Variants in SNAP25 observed in about 807,000 individuals in gnomAD.
SNAP25 encodes synaptosomal-associated protein 25.
A neutral mutation model predicts 28.7 loss-of-function variants in SNAP25; 3 were observed. That is an observed-to-expected ratio of 0.10 (90% CI 0.05 to 0.27). The LOEUF (loss-of-function observed/expected upper bound fraction) is 0.27, where lower values mean the gene tolerates loss of function less well. Ranked by LOEUF, SNAP25 falls within the 10% of genes least tolerant of loss-of-function variation. SNAP25 has a pLI of 1.00. For synonymous variants in SNAP25, 61 were observed against 88.1 expected, an observed-to-expected ratio of 0.69 and a Z score of 1.72; for missense variants, 117 against 278.7, an observed-to-expected ratio of 0.42 and a Z score of 4.13.
At chr20:10,266,579 G>A (rs1203571319) in intron 1 of SNAP25, among the ~76,000 whole-genome samples, 1 of 152,182 alleles carries the variant, frequency 6.6e-6, no homozygotes, top group Non-Finnish European at 1.5e-5. Context: ...GAAGATGAGA[G>A]ACATAAGGCT....
Position 10,306,430 on chromosome 20 carries a change from C to T in SNAP25, c.*233C>T. Reference sequence around the variant, plus strand: ...TAGTGGTCATTTGGTGGCTCTAACTCCTTGAGGTCTTGAGTTTCATTTTTC... The same window carrying T: ...TAGTGGTCATTTGGTGGCTCTAACTTCTTGAGGTCTTGAGTTTCATTTTTC... On this transcript the variant is annotated 3_prime_UTR_variant, in exon 8 of 8. Coordinates refer to ENST00000254976, the MANE Select transcript of SNAP25 (RefSeq NM_130811.4). 2 of 422,118 alleles carry T rather than the reference C, an allele frequency of 4.7e-6. No homozygotes were observed. Among genetic ancestry groups the T allele is most frequent in the Non-Finnish European group, 8.5e-6 (2 of 235,130 alleles). 26.1% of individuals were successfully genotyped at this position (422,118 alleles called of 1,614,324 possible). A position where few individuals can be genotyped will look rare whatever the true frequency, so the allele number is the denominator to read the frequency against.
intron 3 of SNAP25, among the ~76,000 whole-genome samples, chr20:10,279,973 C>A (rs2063752299): frequency 6.6e-6 from 1 of 152,226 alleles, no homozygotes; most frequent in African/African-American, 2.4e-5. Context: ...AAAGGACGTT[C>A]TCTAAAGAGA....
chr20:10,266,053 A>G (rs560937091), intron 1 of SNAP25, among the ~76,000 whole-genome samples: 9 of 152,318 alleles, frequency 5.9e-5, no homozygotes, highest in Middle Eastern at 3.4e-3. Context: ...ACAAATAACT[A>G]TTATTATGAA....
chr20:10,235,680 G>A (rs1458223154), intron 1 of SNAP25, among the ~76,000 whole-genome samples: 2 of 152,178 alleles, frequency 1.3e-5, no homozygotes, highest in African/African-American at 4.8e-5. Flanking sequence ...TGTGTCTATG[G>A]GCTAATGAGT....
intron 1 of SNAP25, among the ~76,000 whole-genome samples, chr20:10,256,555 A>G (rs1162392703): frequency 2.6e-5 from 4 of 152,222 alleles, no homozygotes; most frequent in Non-Finnish European, 5.9e-5. Context: ...AGTTAAAAAT[A>G]TACACTGATG....
chr20:10,294,066 G>A (rs2064053668), intron 5 of SNAP25, among the ~76,000 whole-genome samples: 1 of 152,176 alleles, frequency 6.6e-6, no homozygotes, highest in Non-Finnish European at 1.5e-5. Flanking sequence ...AAAACTGAGG[G>A]TTCTGGAAGA....
chr20:10,305,592 A>AC (rs540500649), intron 7 of SNAP25, among the ~76,000 whole-genome samples: 203 of 152,212 alleles, frequency 1.3e-3, no homozygotes, highest in African/African-American at 4.5e-3. Flanking sequence ...CACCATTCAA[A>AC]CCCATGATGT....
In SNAP25 at chr20:10,306,443, A is replaced by T; in HGVS notation, c.*246A>T. On this transcript the variant is annotated 3_prime_UTR_variant, in exon 8 of 8. Transcript: ENST00000254976. ...GTGGCTCTAACTCCTTGAGGTCTTG[A>T]GTTTCATTTTTCATTTTCTCTCCTC... 1 of 375,468 alleles carries T rather than the reference A, an allele frequency of 2.7e-6. No homozygotes were observed. 23.3% of individuals were successfully genotyped at this position (375,468 alleles called of 1,614,324 possible).
chr20:10,279,438 A>G (rs1195759025), intron 3 of SNAP25, among the ~76,000 whole-genome samples: 1 of 152,214 alleles, frequency 6.6e-6, no homozygotes, highest in Non-Finnish European at 1.5e-5. Flanking sequence ...TTTCCAAAAT[A>G]TCAGAACCGT....
Position 10,306,371 on chromosome 20 carries a change from C to T in SNAP25, c.*174C>T, listed in dbSNP as rs1292137364. Reference sequence around the variant, plus strand: ...CCAACAATACTTTGTGTCTTTTGTTCTCTCTTGGTCTCTTTCTTTCCAAAG... The same window carrying T: ...CCAACAATACTTTGTGTCTTTTGTTTTCTCTTGGTCTCTTTCTTTCCAAAG... On this transcript the variant is annotated 3_prime_UTR_variant, in exon 8 of 8. Coordinates refer to ENST00000254976, the MANE Select transcript of SNAP25 (RefSeq NM_130811.4). The T allele has an allele frequency of 5.3e-6, 3 of 561,046 alleles. No individual in the cohort carries two copies. Among genetic ancestry groups the T allele is most frequent in the Non-Finnish European group, 9.6e-6 (3 of 312,760 alleles). The allele number at this position is 561,046 out of a possible 1,614,324, so 34.8% of individuals were successfully genotyped here.
intron 1 of SNAP25, among the ~76,000 whole-genome samples, chr20:10,227,632 T>G (rs1400650125): frequency 6.6e-6 from 1 of 152,124 alleles, no homozygotes; most frequent in African/African-American, 2.4e-5. Context: ...TTATCACTTA[T>G]GAGTCAGGAG....
intron 1 of SNAP25, among the ~76,000 whole-genome samples, chr20:10,234,085 T>C (rs2062874802): frequency 6.6e-6 from 1 of 152,172 alleles, no homozygotes; most frequent in East Asian, 1.9e-4. Context: ...TAGACTTAAG[T>C]TTTTTCAGGT....
chr20:10,292,850 A>C, intron 4 of SNAP25: 1 of 1,476,248 alleles, frequency 6.8e-7, no homozygotes, highest in Non-Finnish European at 9.2e-7. Context: ...CAAAAAATTC[A>C]TTCCACACTG....
At chr20:10,249,784 G>A (rs1160103529) in intron 1 of SNAP25, among the ~76,000 whole-genome samples, 1 of 152,126 alleles carries the variant, frequency 6.6e-6, no homozygotes, top group Non-Finnish European at 1.5e-5. Context: ...ATTTTTAGAA[G>A]CCCTAGTCTA....
chr20:10,224,257 C>CTTTTTTTTTTTTTTTTT lies in SNAP25; in HGVS notation c.-64+5299_-64+5315dup, dbSNP rs71332917. 1.4e-3 allele frequency among the ~76,000 whole-genome samples: 25 copies of CTTTTTTTTTTTTTTTTT among 17,432 alleles called. 7 individuals are homozygous for CTTTTTTTTTTTTTTTTT. The highest frequency in any genetic ancestry group is 1.9e-3 in the African/African-American group (7 of 3,698). The allele number at this position is 17,432 out of a possible 152,430, so 11.4% of individuals were successfully genotyped here. A position where few individuals can be genotyped will look rare whatever the true frequency, so the allele number is the denominator to read the frequency against. On this transcript the variant is annotated intron_variant, in intron 1 of 7. Coordinates refer to ENST00000254976, the MANE Select transcript of SNAP25 (RefSeq NM_130811.4). ...AATAAGGCATAGAGAATGTACATGT[C>CTTTTTTTTTTTTTTTTT]TTTTTTTTTTTTTTTTTTTTTTTTT...
At chr20:10,244,689 C>T (rs552114439) in intron 1 of SNAP25, among the ~76,000 whole-genome samples, 20 of 151,796 alleles carry the variant, frequency 1.3e-4, no homozygotes, top group Admixed American at 9.8e-4. Context: ...CCCAGTGAGA[C>T]ATAACATCTG....
At chr20:10,240,185 T>C (rs1342440922) in intron 1 of SNAP25, among the ~76,000 whole-genome samples, 1 of 152,048 alleles carries the variant, frequency 6.6e-6, no homozygotes, top group Non-Finnish European at 1.5e-5. Flanking sequence ...CTGGCTGTCA[T>C]CCAGGAATCA....
At chr20:10,271,240 C>T (rs362572) in intron 1 of SNAP25, among the ~76,000 whole-genome samples, 1,664 of 152,304 alleles carry the variant, frequency 0.011, 36 homozygotes, top group African/African-American at 0.038. Flanking sequence ...TATTAATAAA[C>T]ATCCTTATGC....
At chr20:10,271,759 G>A (rs907434796) in intron 1 of SNAP25, among the ~76,000 whole-genome samples, 2 of 152,140 alleles carry the variant, frequency 1.3e-5, no homozygotes, top group African/African-American at 2.4e-5. Context: ...AAGAGAGAGA[G>A]CATGCACAGA....
Sources: allele counts gnomAD v4.1 joint callset (sites outside exome capture counted in the v4.1 genomes callset), GRCh38; gene constraint gnomAD v4.1.1; transcripts MANE v1.5; gene names NCBI Gene and HGNC (gene_info 2026-07-23, HGNC 2026-07-21).